PRR16: variants seen among roughly 807,000 people sequenced by gnomAD.
PRR16 encodes the protein proline rich 16.
PRR16 carries 6 observed loss-of-function variants against 18.2 expected under a neutral mutation model. The ratio of observed to expected loss-of-function variants is 0.33; its 90% CI spans 0.18 to 0.65. The LOEUF is 0.65. Ranked by LOEUF, PRR16 falls within the 30% of genes least tolerant of loss-of-function variation. The pLI is 0.74. For missense variants in PRR16, 412 were observed against 376.6 expected, an observed-to-expected ratio of 1.09 and a Z score of -0.78; for synonymous variants, 151 against 147.8, an observed-to-expected ratio of 1.02 and a Z score of -0.16.
At chr5:120,675,602 G>C (rs918433955) in intron 1 of PRR16, among the ~76,000 whole-genome samples, 4 of 152,072 alleles carry the variant, frequency 2.6e-5, no homozygotes, top group Non-Finnish European at 5.9e-5. Flanking sequence ...TTCTCTGAAA[G>C]TTTTCTGAGT....
intron 1 of PRR16, among the ~76,000 whole-genome samples, chr5:120,467,187 C>T (rs1229645094): frequency 6.6e-6 from 1 of 152,068 alleles, no homozygotes; most frequent in Non-Finnish European, 1.5e-5. Context: ...TGCTATTCAT[C>T]ATATTCAGTA....
chr5:120,503,772 A>G (rs1330338206), intron 1 of PRR16, among the ~76,000 whole-genome samples: 2 of 150,442 alleles, frequency 1.3e-5, no homozygotes, highest in Non-Finnish European at 3.0e-5. Context: ...TATATCTCCT[A>G]ATGCTATCCC....
At chr5:120,540,430 T>C (rs180839682) in intron 1 of PRR16, among the ~76,000 whole-genome samples, 15 of 152,352 alleles carry the variant, frequency 9.8e-5, no homozygotes, top group Non-Finnish European at 1.8e-4. Context: ...CAAGTCCTTA[T>C]AAGGCCCTAT....
At chr5:120,489,846 G>A (rs1360562929) in intron 1 of PRR16, among the ~76,000 whole-genome samples, 2 of 152,088 alleles carry the variant, frequency 1.3e-5, no homozygotes, top group African/African-American at 4.8e-5. Context: ...GGGCAGGCCT[G>A]GTGGTGACAA....
At chr5:120,767,461 T>C in the PRR16 span, among the ~76,000 whole-genome samples, 2 of 151,852 alleles carry the variant, frequency 1.3e-5, no homozygotes, top group African/African-American at 4.8e-5. Context: ...ATGTCATGAC[T>C]GGGGCAAAGT....
At chr5:120,571,586 G>A (rs936326072) in intron 1 of PRR16, among the ~76,000 whole-genome samples, 5 of 152,074 alleles carry the variant, frequency 3.3e-5, no homozygotes, top group Non-Finnish European at 7.4e-5. Context: ...TGGATGATTT[G>A]TAAAGAGAAT....
chr5:120,620,644 C>T (rs2112820655), intron 1 of PRR16, among the ~76,000 whole-genome samples: 1 of 152,142 alleles, frequency 6.6e-6, no homozygotes, highest in Middle Eastern at 3.4e-3. Context: ...TCCTCTTCTA[C>T]CTCTCTGGCC....
rs1280890843 is a variant in PRR16, at chr5:120,530,281, ATATTTATT to A, written c.159+65660_159+65667del. On this transcript the variant is annotated intron_variant, in intron 1 of 1. Transcript: ENST00000407149. ...TATATATATATATATATATATATAT[ATATTTATT>A]TATTTATTTATTTATTTATTTATAT... Among the ~76,000 whole-genome samples, 230 of 92,546 alleles carry A rather than the reference ATATTTATT, an allele frequency of 2.5e-3. 5 individuals carry two copies. The highest frequency in any genetic ancestry group is 0.019 in the Middle Eastern group (3 of 156). The allele number at this position is 92,546 out of a possible 152,430, so 60.7% of individuals were successfully genotyped here. A position where few individuals can be genotyped will look rare whatever the true frequency, so the allele number is the denominator to read the frequency against.
At chr5:120,619,262 T>C (rs1030130465) in intron 1 of PRR16, among the ~76,000 whole-genome samples, 9 of 152,096 alleles carry the variant, frequency 5.9e-5, no homozygotes, top group Admixed American at 5.9e-4. Flanking sequence ...CTAATTTTTC[T>C]TGAAAAAAGA....
At chr5:120,701,417 C>T in the PRR16 span, among the ~76,000 whole-genome samples, 1 of 152,136 alleles carries the variant, frequency 6.6e-6, no homozygotes, top group Non-Finnish European at 1.5e-5. Flanking sequence ...AAAAAAGATC[C>T]TAAACGCTAT....
the PRR16 span, among the ~76,000 whole-genome samples, chr5:120,742,146 T>G: frequency 6.6e-6 from 1 of 151,986 alleles, no homozygotes; most frequent in Non-Finnish European, 1.5e-5. Flanking sequence ...TTCATTATTT[T>G]TACAGAATAC....
At chr5:120,783,332 C>T in the PRR16 span, among the ~76,000 whole-genome samples, 1 of 152,078 alleles carries the variant, frequency 6.6e-6, no homozygotes, top group Non-Finnish European at 1.5e-5. Flanking sequence ...CCATAAATGA[C>T]TTTTTCTAAT....
intron 1 of PRR16, among the ~76,000 whole-genome samples, chr5:120,469,212 T>G (rs532803977): frequency 6.6e-6 from 1 of 152,388 alleles, no homozygotes; most frequent in African/African-American, 2.4e-5. Flanking sequence ...TCTTAACCAC[T>G]TGATGTTCTA....
At chr5:120,600,202 A>G (rs538200765) in intron 1 of PRR16, among the ~76,000 whole-genome samples, 13 of 151,734 alleles carry the variant, frequency 8.6e-5, no homozygotes, top group African/African-American at 3.1e-4. Flanking sequence ...ATTATCTACT[A>G]TGTTTGTAGG....
chr5:120,470,499 T>G (rs1304664840), intron 1 of PRR16, among the ~76,000 whole-genome samples: 2 of 152,170 alleles, frequency 1.3e-5, no homozygotes, highest in Non-Finnish European at 2.9e-5. Flanking sequence ...TTATAAGCAA[T>G]GACATTTTCT....
chr5:120,745,373 G>A, the PRR16 span, among the ~76,000 whole-genome samples: 1 of 152,022 alleles, frequency 6.6e-6, no homozygotes, highest in Non-Finnish European at 1.5e-5. Flanking sequence ...TTTTTCTGAG[G>A]TGTTTTGGAA....
chr5:120,488,446 A>C (rs201971351), intron 1 of PRR16, among the ~76,000 whole-genome samples: 1 of 152,088 alleles, frequency 6.6e-6, no homozygotes, highest in Non-Finnish European at 1.5e-5. Context: ...AGAGGTGTTT[A>C]TAGTATTCTC....
At chr5:120,595,358 A>G (rs1309734647) in intron 1 of PRR16, among the ~76,000 whole-genome samples, 2 of 151,894 alleles carry the variant, frequency 1.3e-5, no homozygotes, top group Non-Finnish European at 2.9e-5. Flanking sequence ...AACATTACTA[A>G]TCATTAGAGA....
chr5:120,709,298 C>G, the PRR16 span, among the ~76,000 whole-genome samples: 1 of 151,954 alleles, frequency 6.6e-6, no homozygotes, highest in Non-Finnish European at 1.5e-5. Context: ...TGAGCCACCG[C>G]ACCCGGCCGC....
Sources: allele counts gnomAD v4.1 joint callset (sites outside exome capture counted in the v4.1 genomes callset), GRCh38; gene constraint gnomAD v4.1.1; transcripts MANE v1.5; gene names NCBI Gene and HGNC (gene_info 2026-07-23, HGNC 2026-07-21).